The following ZNF608 variants were observed in gnomAD, a reference collection of about 807,000 sequenced individuals.
ZNF608 encodes the protein zinc finger protein 608, also known as renal carcinoma antigen NY-REN-36.
A neutral mutation model predicts 109.0 loss-of-function variants in ZNF608; 12 were observed. The ratio of observed to expected loss-of-function variants is 0.11; its 90% CI spans 0.07 to 0.18. ZNF608 has a LOEUF of 0.18. Among genes scored for constraint, ZNF608 ranks in the 10% least tolerant of loss-of-function variants. ZNF608 has a pLI of 1.00. For synonymous variants in ZNF608, 732 were observed against 717.4 expected, an observed-to-expected ratio of 1.02 and a Z score of -0.33; for missense variants, 1,707 against 1,879.3, an observed-to-expected ratio of 0.91 and a Z score of 1.70.
Position 124,649,702 on chromosome 5 carries a change from A to G in ZNF608, c.1163-5T>C. ...TGACATTGACCACTAGGACACCTGC[A>G]GGAGGCAGGGGATGAAAAAGGATCA... On this transcript the variant is annotated splice_region_variant and splice_polypyrimidine_tract_variant and intron_variant, in intron 3 of 9. Coordinates refer to ENST00000513986, the MANE Select transcript of ZNF608 (RefSeq NM_020747.3). 2 of 1,575,384 alleles carry G rather than the reference A, an allele frequency of 1.3e-6. No homozygotes were observed. Among genetic ancestry groups the G allele is most frequent in the Non-Finnish European group, 1.7e-6 (2 of 1,154,300 alleles).
At chr5:124,719,945 G>A (rs1448503983) in intron 2 of ZNF608, among the ~76,000 whole-genome samples, 11 of 152,142 alleles carry the variant, frequency 7.2e-5, no homozygotes, top group African/African-American at 2.7e-4. Context: ...CTAAACCTCA[G>A]TTTCTTCACC....
intron 2 of ZNF608, among the ~76,000 whole-genome samples, chr5:124,709,883 C>T (rs1176277459): frequency 6.6e-6 from 1 of 152,116 alleles, no homozygotes; most frequent in African/African-American, 2.4e-5. Flanking sequence ...TGCACAAGGC[C>T]CTTTGTACAA....
chr5:124,711,230 C>G (rs560785094), intron 2 of ZNF608, among the ~76,000 whole-genome samples: 1 of 152,344 alleles, frequency 6.6e-6, no homozygotes, highest in African/African-American at 2.4e-5. Context: ...GTCAACAGAT[C>G]ACTCTCCAGA....
At chr5:124,725,860 A>G (rs1199596746) in intron 2 of ZNF608, among the ~76,000 whole-genome samples, 1 of 152,010 alleles carries the variant, frequency 6.6e-6, no homozygotes, top group Admixed American at 6.6e-5. Flanking sequence ...CATCATTCCC[A>G]TCAGCATACA....
Position 124,637,765 on chromosome 5 carries a change from T to G in ZNF608, c.*135A>C, listed in dbSNP as rs958703476. The G allele has an allele frequency of 5.0e-6, 4 of 803,972 alleles. No individual in the cohort carries two copies. In the African/African-American group the frequency reaches 7.1e-5, roughly 14 times the overall value. 49.8% of individuals were successfully genotyped at this position (803,972 alleles called of 1,614,324 possible). A position where few individuals can be genotyped will look rare whatever the true frequency, so the allele number is the denominator to read the frequency against. On this transcript the variant is annotated 3_prime_UTR_variant, in exon 10 of 10. Coordinates refer to ENST00000513986, the MANE Select transcript of ZNF608 (RefSeq NM_020747.3). ...ACATTTGTTACTCTGTGATAAAATC[T>G]GTAATTTACAAAAATGAAATGACTG...
At chr5:124,645,572 G>C (rs572360500) in intron 5 of ZNF608, among the ~76,000 whole-genome samples, 1 of 152,166 alleles carries the variant, frequency 6.6e-6, no homozygotes, top group Non-Finnish European at 1.5e-5. Context: ...ATGGGGGTGA[G>C]GGTGGGAGTG....
intron 3 of ZNF608, among the ~76,000 whole-genome samples, chr5:124,667,755 A>G (rs983826156): frequency 6.6e-6 from 1 of 152,214 alleles, no homozygotes. Flanking sequence ...AAGAGGTACT[A>G]TATTATGGTA....
chr5:124,649,472 C>T (rs776905644), intron 4 of ZNF608, 138 bp downstream of exon 4: 1 of 596,552 alleles, frequency 1.7e-6, no homozygotes, highest in South Asian at 2.8e-5. Flanking sequence ...CATTTTACTG[C>T]GTTCAATCCT....
intron 2 of ZNF608, chr5:124,710,260 G>A (rs772259416): frequency 1.8e-5 from 8 of 451,572 alleles, no homozygotes; most frequent in African/African-American, 4.0e-5. Flanking sequence ...GGAAACCACC[G>A]TATTCCGATT....
At chr5:124,646,574 G>T in intron 5 of ZNF608, 105 bp downstream of exon 5, 1 of 1,380,042 alleles carries the variant, frequency 7.2e-7, no homozygotes, top group Non-Finnish European at 9.7e-7. Context: ...AAACTAATAT[G>T]GGTTTCTTTC....
At chr5:124,641,212 G>A in intron 8 of ZNF608, 40 bp downstream of exon 8, 2 of 1,611,740 alleles carry the variant, frequency 1.2e-6, no homozygotes, top group Non-Finnish European at 1.7e-6. Flanking sequence ...GTTTTCCAAA[G>A]CAGAATGGAC....
chr5:124,693,721 G>C (rs931823293), intron 3 of ZNF608, among the ~76,000 whole-genome samples: 9 of 152,042 alleles, frequency 5.9e-5, no homozygotes, highest in African/African-American at 2.2e-4. Context: ...CTATGTTGTT[G>C]CTTTCCAACA....
intron 3 of ZNF608, among the ~76,000 whole-genome samples, chr5:124,697,519 A>T (rs1196109086): frequency 6.6e-6 from 1 of 152,228 alleles, no homozygotes; most frequent in South Asian, 2.1e-4. Flanking sequence ...TTTACCTTAA[A>T]GAAAAAAGAT....
At chr5:124,693,740 A>G (rs550499859) in intron 3 of ZNF608, among the ~76,000 whole-genome samples, 1 of 152,272 alleles carries the variant, frequency 6.6e-6, no homozygotes, top group East Asian at 1.9e-4. Context: ...CAAAATACAC[A>G]ATCACTCATC....
At chr5:124,700,091 T>C (rs183182953) in intron 3 of ZNF608, among the ~76,000 whole-genome samples, 1 of 152,140 alleles carries the variant, frequency 6.6e-6, no homozygotes, top group Admixed American at 6.5e-5. Context: ...GAAAAAAAAG[T>C]TCCCCCACCC....
At chr5:124,690,954 C>CACACACACACAAAA (rs10666145) in intron 3 of ZNF608, among the ~76,000 whole-genome samples, 1 of 150,840 alleles carries the variant, frequency 6.6e-6, no homozygotes, top group African/African-American at 2.5e-5. Context: ...CACACACACA[C>CACACACACACAAAA]ATAATGGAAA....
At chr5:124,719,975 A>C (rs1753841551) in intron 2 of ZNF608, among the ~76,000 whole-genome samples, 1 of 152,218 alleles carries the variant, frequency 6.6e-6, no homozygotes, top group Admixed American at 6.5e-5. Context: ...GAGCAATGAC[A>C]TACTCTCTTA....
At chr5:124,730,028 T>C (rs1157148568) in intron 2 of ZNF608, among the ~76,000 whole-genome samples, 1 of 152,252 alleles carries the variant, frequency 6.6e-6, no homozygotes, top group East Asian at 1.9e-4. Context: ...CCTTAGATCC[T>C]GAAGCAACAA....
chr5:124,655,115 C>T (rs932672024), intron 3 of ZNF608, among the ~76,000 whole-genome samples: 2 of 152,226 alleles, frequency 1.3e-5, no homozygotes, highest in Non-Finnish European at 2.9e-5. Flanking sequence ...GAATCCTACT[C>T]AGTGACTTCC....
Sources: allele counts gnomAD v4.1 joint callset (sites outside exome capture counted in the v4.1 genomes callset), GRCh38; gene constraint gnomAD v4.1.1; transcripts MANE v1.5; gene names NCBI Gene and HGNC (gene_info 2026-07-23, HGNC 2026-07-21).